GRIP1: variants seen among roughly 807,000 people sequenced by gnomAD.
GRIP1 encodes glutamate receptor-interacting protein 1.
In GRIP1, 45 loss-of-function variants were observed where a neutral mutation model predicts 129.9. That is an observed-to-expected ratio of 0.35 (90% CI 0.27 to 0.44). The LOEUF is 0.44. Among genes scored for constraint, GRIP1 ranks in the 20% least tolerant of loss-of-function variants. The pLI, the probability that GRIP1 is intolerant of heterozygous loss-of-function variation, is 1.00. For missense variants in GRIP1, 1,196 were observed against 1,396.8 expected, an observed-to-expected ratio of 0.86 and a Z score of 2.29; for synonymous variants, 530 against 520.8, an observed-to-expected ratio of 1.02 and a Z score of -0.24.
intron 1 of GRIP1, among the ~76,000 whole-genome samples, chr12:66,626,071 AT>A (rs1565920681): frequency 6.6e-6 from 1 of 152,078 alleles, no homozygotes; most frequent in Admixed American, 6.6e-5. Context: ...CAGTTTATTT[AT>A]CTTTCACTTT....
At chr12:67,004,331 T>C (rs1253955083) in intron 1 of GRIP1, among the ~76,000 whole-genome samples, 41 of 152,314 alleles carry the variant, frequency 2.7e-4, no homozygotes, top group Non-Finnish European at 1.5e-4. Context: ...ACTACATTTT[T>C]ACCGGACAGG....
chr12:66,480,074 A>T (rs1320294254), intron 7 of GRIP1, among the ~76,000 whole-genome samples: 1 of 152,184 alleles, frequency 6.6e-6, no homozygotes, highest in Non-Finnish European at 1.5e-5. Flanking sequence ...GGCCAGGGCA[A>T]TCAGGAAGAG....
At chr12:66,661,274 A>C (rs961793562) in intron 1 of GRIP1, among the ~76,000 whole-genome samples, 5 of 152,094 alleles carry the variant, frequency 3.3e-5, no homozygotes, top group Non-Finnish European at 5.9e-5. Flanking sequence ...AAGAGTGTAC[A>C]GTTCTTCCGT....
chr12:66,423,095 CT>C (rs2057865161), intron 14 of GRIP1, among the ~76,000 whole-genome samples: 2 of 152,174 alleles, frequency 1.3e-5, no homozygotes, highest in African/African-American at 4.8e-5. Flanking sequence ...TACATGGCTT[CT>C]TTTAAAAAAA....
intron 1 of GRIP1, among the ~76,000 whole-genome samples, chr12:66,605,626 C>A (rs7312296): frequency 0.046 from 6,931 of 152,214 alleles, 312 homozygotes; most frequent in African/African-American, 0.12. Flanking sequence ...ATGCTCTCAC[C>A]TGTTGCTCTG....
chr12:66,581,915 A>G (rs890015840), intron 2 of GRIP1, among the ~76,000 whole-genome samples: 3 of 152,312 alleles, frequency 2.0e-5, no homozygotes, highest in Admixed American at 1.3e-4. Flanking sequence ...TGAGGCCAGC[A>G]TCATCCTGAT....
chr12:66,436,858 T>C (rs2058321455), intron 13 of GRIP1, among the ~76,000 whole-genome samples: 1 of 151,428 alleles, frequency 6.6e-6, no homozygotes, highest in Non-Finnish European at 1.5e-5. Flanking sequence ...TGGTGGCACA[T>C]GCCTATAATC....
chr12:66,432,275 G>A (rs1261747153), intron 14 of GRIP1, among the ~76,000 whole-genome samples: 1 of 151,826 alleles, frequency 6.6e-6, no homozygotes, highest in Non-Finnish European at 1.5e-5. Flanking sequence ...TATAAATATG[G>A]ATTTTATTCA....
At chr12:66,671,450 A>G (rs780721119) in intron 1 of GRIP1, among the ~76,000 whole-genome samples, 1 of 151,750 alleles carries the variant, frequency 6.6e-6, no homozygotes, top group Non-Finnish European at 1.5e-5. Flanking sequence ...AAATGCTCAG[A>G]TTTCTCCCAT....
At chr12:66,745,767 C>T (rs1040121918) in intron 1 of GRIP1, among the ~76,000 whole-genome samples, 2 of 152,072 alleles carry the variant, frequency 1.3e-5, no homozygotes, top group East Asian at 1.9e-4. Context: ...GATAGTACAG[C>T]GTACTAAAAA....
intron 1 of GRIP1, among the ~76,000 whole-genome samples, chr12:67,045,293 G>A (rs538094127): frequency 6.6e-6 from 1 of 152,296 alleles, no homozygotes; most frequent in East Asian, 1.9e-4. Flanking sequence ...GACAGGAAGG[G>A]AGGGAGACAC....
At chr12:67,032,088 A>G (rs758666373) in intron 1 of GRIP1, among the ~76,000 whole-genome samples, 2 of 152,146 alleles carry the variant, frequency 1.3e-5, no homozygotes, top group Non-Finnish European at 2.9e-5. Context: ...TTTCCCCACC[A>G]GACATGGTAT....
chr12:67,042,367 T>C (rs1036796940), intron 1 of GRIP1, among the ~76,000 whole-genome samples: 5 of 152,150 alleles, frequency 3.3e-5, no homozygotes, highest in Admixed American at 6.6e-5. Context: ...ATGAGACCCC[T>C]TTTTCTATAT....
intron 1 of GRIP1, among the ~76,000 whole-genome samples, chr12:66,973,375 A>AT (rs2042102967): frequency 1.9e-5 from 2 of 103,948 alleles, no homozygotes; most frequent in African/African-American, 7.7e-5. Flanking sequence ...TTCCTTTTTC[A>AT]TTCTTTTTTT....
intron 14 of GRIP1, among the ~76,000 whole-genome samples, chr12:66,427,932 C>A (rs982089270): frequency 5.9e-5 from 9 of 152,194 alleles, no homozygotes. Context: ...AATGTAAAGT[C>A]TCCATGTATT....
intron 1 of GRIP1, among the ~76,000 whole-genome samples, chr12:66,764,763 T>C (rs2037577943): frequency 6.6e-6 from 1 of 151,558 alleles, no homozygotes. Flanking sequence ...AGAATGTCAC[T>C]TGCATTTGAG....
intron 8 of GRIP1, among the ~76,000 whole-genome samples, 193 bp downstream of exon 8, chr12:66,465,082 T>C (rs1243115372): frequency 6.6e-6 from 1 of 151,848 alleles, no homozygotes; most frequent in Non-Finnish European, 1.5e-5. Flanking sequence ...GTAGCTGGGA[T>C]TACAGGCACC....
chr12:66,801,914 C>T (rs542985999), intron 1 of GRIP1, among the ~76,000 whole-genome samples: 3 of 152,110 alleles, frequency 2.0e-5, no homozygotes, highest in East Asian at 1.9e-4. Flanking sequence ...GGGGTATAAA[C>T]GTTTAAATTA....
At chr12:66,885,781 G>T (rs147974225) in intron 1 of GRIP1, among the ~76,000 whole-genome samples, 80 of 152,258 alleles carry the variant, frequency 5.3e-4, no homozygotes, top group Middle Eastern at 3.4e-3. Context: ...AACTCTAAAA[G>T]CCTCTATCTT....
Sources: allele counts gnomAD v4.1 joint callset (sites outside exome capture counted in the v4.1 genomes callset), GRCh38; gene constraint gnomAD v4.1.1; transcripts MANE v1.5; gene names NCBI Gene and HGNC (gene_info 2026-07-23, HGNC 2026-07-21).